GRIP1: variants seen among roughly 807,000 people sequenced by gnomAD.
GRIP1 encodes glutamate receptor interacting protein 1.
Under a neutral mutation model 129.9 loss-of-function variants are expected in GRIP1, and 45 were observed. That is an observed-to-expected ratio of 0.35 (90% CI 0.27 to 0.44). The LOEUF is 0.44. Among genes scored for constraint, GRIP1 ranks in the 20% least tolerant of loss-of-function variants. GRIP1 has a pLI of 1.00. For synonymous variants in GRIP1, 530 were observed against 520.8 expected, an observed-to-expected ratio of 1.02 and a Z score of -0.24; for missense variants, 1,196 against 1,396.8, an observed-to-expected ratio of 0.86 and a Z score of 2.29.
At chr12:66,870,126 T>C (rs750063626) in intron 1 of GRIP1, among the ~76,000 whole-genome samples, 4 of 152,028 alleles carry the variant, frequency 2.6e-5, no homozygotes, top group African/African-American at 4.8e-5. Flanking sequence ...ATGATCTGGA[T>C]TGAGAACCAT....
chr12:66,979,223 A>T (rs75203860), intron 1 of GRIP1, among the ~76,000 whole-genome samples: 1 of 59,240 alleles, frequency 1.7e-5, no homozygotes, highest in South Asian at 7.3e-4. Flanking sequence ...TTCTCTTCTT[A>T]AAAAAAAAAA....
At chr12:66,369,323 TTTC>T (rs1410976802) in intron 23 of GRIP1, among the ~76,000 whole-genome samples, 2 of 151,976 alleles carry the variant, frequency 1.3e-5, no homozygotes, top group African/African-American at 2.4e-5. Context: ...ATACTTTTTT[TTTC>T]TTTTTAACAA....
At chr12:66,502,038 C>T (rs530294068) in intron 7 of GRIP1, among the ~76,000 whole-genome samples, 1 of 152,202 alleles carries the variant, frequency 6.6e-6, no homozygotes, top group East Asian at 1.9e-4. Context: ...ATTGGTTAAA[C>T]TATTTTTATT....
chr12:67,034,368 T>A lies in GRIP1; in HGVS notation c.58+34682A>T, dbSNP rs2043064380. ...GGGATAAGTTCTACGAAATGCATTG[T>A]TGTGCAAACATCATAGAGTGCATTT... On this transcript the variant is annotated intron_variant, in intron 1 of 1. Coordinates refer to the GRIP1 transcript ENST00000643019. Among the ~76,000 whole-genome samples, 4 of 152,304 alleles carry A rather than the reference T, an allele frequency of 2.6e-5. No individual in the cohort carries two copies. The South Asian group carries it at 8.3e-4, about 32-fold the overall frequency.
At chr12:66,575,194 T>C (rs2063102057) in intron 2 of GRIP1, among the ~76,000 whole-genome samples, 1 of 152,226 alleles carries the variant, frequency 6.6e-6, no homozygotes, top group South Asian at 2.1e-4. Flanking sequence ...TAACAGTGGT[T>C]GTCAAGTCTA....
At chr12:66,624,427 G>A (rs927125371) in intron 1 of GRIP1, among the ~76,000 whole-genome samples, 2 of 152,062 alleles carry the variant, frequency 1.3e-5, no homozygotes, top group Admixed American at 1.3e-4. Flanking sequence ...TAGAAGTAAA[G>A]TAACATTTTA....
intron 2 of GRIP1, among the ~76,000 whole-genome samples, chr12:66,566,585 T>C (rs7976972): frequency 0.37 from 56,820 of 151,940 alleles, 10,803 homozygotes; most frequent in East Asian, 0.41. Flanking sequence ...AATTCTTTTT[T>C]GTTGTTGTTG....
At chr12:66,893,699 A>G (rs1026068787) in intron 1 of GRIP1, among the ~76,000 whole-genome samples, 4 of 152,238 alleles carry the variant, frequency 2.6e-5, no homozygotes, top group Non-Finnish European at 1.5e-5. Flanking sequence ...GCAAACATAC[A>G]TTCTTATTTC....
chr12:66,465,649 A>G (rs984621738), intron 7 of GRIP1, among the ~76,000 whole-genome samples: 2 of 152,228 alleles, frequency 1.3e-5, no homozygotes, highest in African/African-American at 4.8e-5. Context: ...TGTAATGTTC[A>G]TCTCTTCAAT....
intron 11 of GRIP1, among the ~76,000 whole-genome samples, chr12:66,449,325 A>T (rs2058711906): frequency 6.6e-6 from 1 of 152,142 alleles, no homozygotes; most frequent in African/African-American, 2.4e-5. Context: ...AGGAAACAAC[A>T]CTTCTCATAG....
chr12:67,015,439 C>T (rs1181847083), intron 1 of GRIP1, among the ~76,000 whole-genome samples: 1 of 152,150 alleles, frequency 6.6e-6, no homozygotes, highest in Admixed American at 6.6e-5. Context: ...TTCAGAGATG[C>T]TTTAAAATAA....
At chr12:67,004,978 G>A (rs2042606132) in intron 1 of GRIP1, among the ~76,000 whole-genome samples, 1 of 151,316 alleles carries the variant, frequency 6.6e-6, no homozygotes, top group Non-Finnish European at 1.5e-5. Context: ...GCAACCATGA[G>A]AGCATTTTTC....
chr12:67,050,656 A>AT (rs1394468126), intron 1 of GRIP1, among the ~76,000 whole-genome samples: 2 of 152,138 alleles, frequency 1.3e-5, no homozygotes, highest in African/African-American at 2.4e-5. Flanking sequence ...TGCTCTTAAG[A>AT]TTTTTTTCAA....
intron 1 of GRIP1, among the ~76,000 whole-genome samples, chr12:67,019,338 C>T (rs1017706466): frequency 1.2e-4 from 19 of 152,256 alleles, no homozygotes; most frequent in African/African-American, 3.9e-4. Flanking sequence ...TAAATACGGA[C>T]GCTTCCTTCT....
intron 2 of GRIP1, among the ~76,000 whole-genome samples, chr12:66,573,176 TG>T (rs1341671271): frequency 3.3e-5 from 5 of 152,258 alleles, no homozygotes; most frequent in Non-Finnish European, 4.4e-5. Flanking sequence ...GCTTTGAGGC[TG>T]GGGCTGAAGG....
At chr12:66,952,818 T>C (rs768353007) in intron 1 of GRIP1, among the ~76,000 whole-genome samples, 11 of 152,224 alleles carry the variant, frequency 7.2e-5, no homozygotes, top group Non-Finnish European at 1.6e-4. Flanking sequence ...ATTGCATACA[T>C]GATCCAGGCC....
At chr12:66,544,028 T>C (rs1592521681) in intron 2 of GRIP1, among the ~76,000 whole-genome samples, 2 of 152,326 alleles carry the variant, frequency 1.3e-5, no homozygotes, top group Admixed American at 1.3e-4. Context: ...TACAGCCTTA[T>C]GGGAGGCAGA....
rs139463248 is a variant in GRIP1, at chr12:67,055,669, C to T, written c.58+13381G>A. ...TGCAAGAATATACAAGTACAAATTC[C>T]TTTAGTGGCCTCTGAAAAACTAGTA... On this transcript the variant is annotated intron_variant, in intron 1 of 1. Transcript: ENST00000643019. Among the ~76,000 whole-genome samples, 866 of 152,276 alleles carry T rather than the reference C, an allele frequency of 5.7e-3. 3 individuals are homozygous for T. Among genetic ancestry groups the T allele is most frequent in the Non-Finnish European group, 9.9e-3 (670 of 68,018 alleles).
At chr12:66,612,283 C>G (rs950634575) in intron 1 of GRIP1, among the ~76,000 whole-genome samples, 25 of 152,234 alleles carry the variant, frequency 1.6e-4, no homozygotes, top group African/African-American at 6.0e-4. Context: ...TATATTACAG[C>G]CTATTGCTCC....
Sources: allele counts gnomAD v4.1 joint callset (sites outside exome capture counted in the v4.1 genomes callset), GRCh38; gene constraint gnomAD v4.1.1; transcripts MANE v1.5; gene names NCBI Gene and HGNC (gene_info 2026-07-23, HGNC 2026-07-21).